Variants in ACTL8 observed in about 807,000 individuals in gnomAD.
ACTL8 encodes actin like 8.
ACTL8 carries 3 observed loss-of-function variants against 9.3 expected under a neutral mutation model. The ratio of observed to expected loss-of-function variants is 0.32; its 90% CI spans 0.15 to 0.83. The LOEUF is 0.83. Ranked by LOEUF, ACTL8 falls within the 40% of genes least tolerant of loss-of-function variation. The probability of loss-of-function intolerance (pLI) is 0.57; values close to 1 mark genes in which losing one functional copy is unlikely to be tolerated. For synonymous variants in ACTL8, 224 were observed against 205.9 expected, an observed-to-expected ratio of 1.09 and a Z score of -0.75; for missense variants, 381 against 492.2, an observed-to-expected ratio of 0.77 and a Z score of 2.14.
chr1:17,799,523 A>G (rs996492102), intron 1 of ACTL8, among the ~76,000 whole-genome samples: 1 of 150,400 alleles, frequency 6.6e-6, no homozygotes, highest in Non-Finnish European at 1.5e-5. Flanking sequence ...TGCTAGTATC[A>G]TCTCCCATTT....
At chr1:17,769,027 C>CG (rs998284935) in intron 1 of ACTL8, among the ~76,000 whole-genome samples, 6 of 152,078 alleles carry the variant, frequency 3.9e-5, no homozygotes, top group Non-Finnish European at 1.5e-5. Context: ...GATGAAGAGA[C>CG]GGGGGGTCAG....
intron 1 of ACTL8, among the ~76,000 whole-genome samples, chr1:17,756,392 C>A (rs546832224): frequency 1.3e-5 from 2 of 151,306 alleles, no homozygotes; most frequent in Non-Finnish European, 2.9e-5. Context: ...GGATTCTTAG[C>A]GGGGGGTTGT....
intron 1 of ACTL8, among the ~76,000 whole-genome samples, chr1:17,806,545 G>A (rs985393585): frequency 2.6e-5 from 4 of 152,188 alleles, no homozygotes; most frequent in African/African-American, 9.7e-5. Context: ...CTTGCTTAGC[G>A]CTTGGTCCCC....
rs566521923 is a variant in ACTL8, at chr1:17,809,841, G to A, written c.-24-13144G>A. On this transcript the variant is annotated intron_variant, in intron 1 of 2. Coordinates refer to ENST00000375406, the MANE Select transcript of ACTL8 (RefSeq NM_030812.3). Reference sequence around the variant, plus strand: ...ATTGCAATATAGTAATAGAAATAAAGTGTACAAGAAATGTAATGCACTTTT... The same window carrying A: ...ATTGCAATATAGTAATAGAAATAAAATGTACAAGAAATGTAATGCACTTTT... Among the ~76,000 whole-genome samples the A allele has an allele frequency of 5.3e-5, 8 of 152,206 alleles. No individual in the cohort carries two copies. In the South Asian group the frequency reaches 1.5e-3, roughly 28 times the overall value.
At chr1:17,804,428 A>T (rs11203466) in intron 1 of ACTL8, among the ~76,000 whole-genome samples, 73,255 of 151,606 alleles carry the variant, frequency 0.48, 18,750 homozygotes, top group East Asian at 0.8. Flanking sequence ...GAGCTGAGAG[A>T]GGGGTGAATA....
At chr1:17,765,332 A>G (rs2066036719) in intron 1 of ACTL8, among the ~76,000 whole-genome samples, 1 of 152,196 alleles carries the variant, frequency 6.6e-6, no homozygotes, top group African/African-American at 2.4e-5. Context: ...CCTGGTGCCT[A>G]GGAGAGTGCC....
chr1:17,776,582 C>T (rs1188341610), intron 1 of ACTL8, among the ~76,000 whole-genome samples: 2 of 152,172 alleles, frequency 1.3e-5, no homozygotes, highest in Admixed American at 6.5e-5. Flanking sequence ...TTCCACTCTG[C>T]CGTCGTCCCT....
At chr1:17,822,887 T>C (rs1208722502) in intron 1 of ACTL8, 98 bp from the exon 2 acceptor site, 13 of 783,724 alleles carry the variant, frequency 1.7e-5, no homozygotes, top group Middle Eastern at 3.4e-4. Context: ...TGGACAAGCT[T>C]CAGGGGGAGC....
Position 17,800,358 on chromosome 1 carries a change from C to T in ACTL8, c.-24-22627C>T, listed in dbSNP as rs540290564. On this transcript the variant is annotated intron_variant, in intron 1 of 2. Transcript: ENST00000375406. Reference sequence around the variant, plus strand: ...TTCTTCTAGTTGGTTATTGCTAGGGCAAAAGAATGCTGTTAATTTTTAAGT... The same window carrying T: ...TTCTTCTAGTTGGTTATTGCTAGGGTAAAAGAATGCTGTTAATTTTTAAGT... 3.3e-5 allele frequency among the ~76,000 whole-genome samples: 5 copies of T among 152,220 alleles called. No individual in the cohort carries two copies. In the East Asian group the frequency reaches 9.6e-4, roughly 29 times the overall value.
intron 1 of ACTL8, among the ~76,000 whole-genome samples, chr1:17,759,552 C>T (rs527312891): frequency 3.9e-5 from 6 of 152,254 alleles, no homozygotes; most frequent in African/African-American, 1.4e-4. Context: ...TTTTTTTCTC[C>T]CCCAATGTAG....
intron 1 of ACTL8, among the ~76,000 whole-genome samples, chr1:17,805,274 G>A (rs553145692): frequency 6.6e-6 from 1 of 151,440 alleles, no homozygotes. Context: ...TCTAAAACAG[G>A]AACTCTTTCA....
intron 1 of ACTL8, among the ~76,000 whole-genome samples, chr1:17,818,097 T>A (rs1180486439): frequency 1.3e-5 from 2 of 152,210 alleles, no homozygotes; most frequent in Non-Finnish European, 2.9e-5. Context: ...CAACTTAACA[T>A]GTCCCAAATA....
intron 1 of ACTL8, among the ~76,000 whole-genome samples, chr1:17,782,121 C>T (rs1345802989): frequency 6.6e-6 from 1 of 152,080 alleles, no homozygotes. Flanking sequence ...AGCTCTGGTA[C>T]ACGAGCCCCC....
intron 1 of ACTL8, among the ~76,000 whole-genome samples, chr1:17,810,360 A>C (rs1437798991): frequency 6.6e-6 from 1 of 152,176 alleles, no homozygotes; most frequent in African/African-American, 2.4e-5. Context: ...TTGAAAGTAA[A>C]TCTCATGATA....
chr1:17,792,063 T>C (rs949243972), intron 1 of ACTL8, among the ~76,000 whole-genome samples: 1 of 152,160 alleles, frequency 6.6e-6, no homozygotes, highest in Admixed American at 6.5e-5. Context: ...TTAACCCCAA[T>C]GGGCCCCTCT....
chr1:17,818,678 G>T (rs2053617439), intron 1 of ACTL8, among the ~76,000 whole-genome samples: 1 of 152,186 alleles, frequency 6.6e-6, no homozygotes. Flanking sequence ...TTTCTGCTCA[G>T]ATGTCACCCT....
intron 1 of ACTL8, among the ~76,000 whole-genome samples, chr1:17,820,630 C>A (rs1018306468): frequency 6.7e-6 from 1 of 149,536 alleles, no homozygotes; most frequent in Admixed American, 6.7e-5. Flanking sequence ...TACAATGGTG[C>A]GATCTTGGCT....
At chr1:17,818,648 A>T (rs867379722) in intron 1 of ACTL8, among the ~76,000 whole-genome samples, 2 of 152,152 alleles carry the variant, frequency 1.3e-5, no homozygotes, top group Non-Finnish European at 2.9e-5. Context: ...CACATGCCTT[A>T]TTCCCTCACT....
chr1:17,757,040 G>C (rs537548617), intron 1 of ACTL8, among the ~76,000 whole-genome samples: 1 of 152,162 alleles, frequency 6.6e-6, no homozygotes, highest in Admixed American at 6.5e-5. Flanking sequence ...TGAGGCAGGC[G>C]GATTGCTTGA....
Sources: gnomAD v4.1 joint callset for allele counts (sites outside exome capture counted in the v4.1 genomes callset) on GRCh38, gnomAD v4.1.1 for gene constraint, MANE v1.5 for transcripts, NCBI Gene and HGNC (gene_info 2026-07-23, HGNC 2026-07-21) for gene names.